Variants in TULP4 observed in about 807,000 individuals in gnomAD.
TULP4 encodes TUB like protein 4, also known as tubby-related protein 4.
In TULP4, 16 loss-of-function variants were observed where a neutral mutation model predicts 129.0. The ratio of observed to expected loss-of-function variants is 0.12; its 90% CI spans 0.08 to 0.19. The LOEUF (loss-of-function observed/expected upper bound fraction) is 0.19, where lower values mean the gene tolerates loss of function less well. Among genes scored for constraint, TULP4 ranks in the 10% least tolerant of loss-of-function variants. The pLI, the probability that TULP4 is intolerant of heterozygous loss-of-function variation, is 1.00. For synonymous variants in TULP4, 998 were observed against 854.0 expected (o/e 1.17, Z -2.94); for missense variants, 1,842 against 2,059.1 (o/e 0.89, Z 2.04).
At chr6:158,315,982 A>C (rs1207334643) in intron 1 of TULP4, among the ~76,000 whole-genome samples, 2 of 152,212 alleles carry the variant, frequency 1.3e-5, no homozygotes, top group African/African-American at 4.8e-5. Context: ...AGATCCTAGC[A>C]CGCCCCTCCT....
intron 1 of TULP4, among the ~76,000 whole-genome samples, chr6:158,353,536 G>C (rs1242576141): frequency 1.3e-5 from 2 of 151,970 alleles, no homozygotes; most frequent in Non-Finnish European, 2.9e-5. Flanking sequence ...GTAAATTGAG[G>C]GTGGTGTACC....
At chr6:158,330,063 A>G (rs534918501) in intron 1 of TULP4, among the ~76,000 whole-genome samples, 2 of 152,374 alleles carry the variant, frequency 1.3e-5, no homozygotes, top group African/African-American at 4.8e-5. Flanking sequence ...AATTTTTAAT[A>G]TACTTTAACT....
chr6:158,401,080 G>GTTGTTGTTT (rs1554287890), intron 1 of TULP4, among the ~76,000 whole-genome samples: 28 of 143,204 alleles, frequency 2.0e-4, no homozygotes, highest in Admixed American at 5.1e-4. Flanking sequence ...TGTTGTTGTT[G>GTTGTTGTTT]TTGTTTTGTT....
intron 5 of TULP4, among the ~76,000 whole-genome samples, chr6:158,460,319 C>G (rs917799196): frequency 6.6e-6 from 1 of 152,224 alleles, no homozygotes; most frequent in African/African-American, 2.4e-5. Flanking sequence ...CTAGCCCCAT[C>G]TCTGAAATAT....
chr6:158,460,346 A>T (rs991672011), intron 5 of TULP4, among the ~76,000 whole-genome samples: 4 of 152,200 alleles, frequency 2.6e-5, no homozygotes. Context: ...ATCAGGGCAG[A>T]GCATTTTCTT....
At chr6:158,409,122 T>G (rs970426333) in intron 1 of TULP4, among the ~76,000 whole-genome samples, 1 of 152,140 alleles carries the variant, frequency 6.6e-6, no homozygotes, top group Admixed American at 6.5e-5. Flanking sequence ...TGATGCTTGT[T>G]TTGCCTTCCC....
chr6:158,321,349 T>C (rs1380610981), intron 1 of TULP4, among the ~76,000 whole-genome samples: 1 of 152,124 alleles, frequency 6.6e-6, no homozygotes, highest in Non-Finnish European at 1.5e-5. Context: ...GGCATGCATA[T>C]TTTTCTGTAT....
intron 1 of TULP4, among the ~76,000 whole-genome samples, chr6:158,301,298 A>G (rs1170725561): frequency 6.6e-6 from 1 of 152,160 alleles, no homozygotes; most frequent in Non-Finnish European, 1.5e-5. Context: ...CATTTCTGTT[A>G]CTGGAGCCAT....
upstream of TULP4, among the ~76,000 whole-genome samples, chr6:158,310,038 A>G (rs912495014): frequency 6.6e-6 from 1 of 152,206 alleles, no homozygotes; most frequent in Non-Finnish European, 1.5e-5. Flanking sequence ...TGTCGGCCAA[A>G]TATCCCAGCT....
intron 1 of TULP4, among the ~76,000 whole-genome samples, chr6:158,263,634 T>G (rs1159764229): frequency 6.6e-6 from 1 of 152,178 alleles, no homozygotes; most frequent in Non-Finnish European, 1.5e-5. Context: ...GATGTGCCTG[T>G]CTTCCCAGCT....
intron 1 of TULP4, among the ~76,000 whole-genome samples, chr6:158,284,291 G>A (rs999667926): frequency 6.6e-6 from 1 of 152,212 alleles, no homozygotes; most frequent in African/African-American, 2.4e-5. Context: ...TTTTGAGACT[G>A]TTTGGCTTGG....
At chr6:158,244,689 C>T (rs1208048689) in intron 1 of TULP4, among the ~76,000 whole-genome samples, 1 of 152,110 alleles carries the variant, frequency 6.6e-6, no homozygotes, top group Non-Finnish European at 1.5e-5. Flanking sequence ...TCCAGAACTT[C>T]GAGAAATAAA....
chr6:158,254,804 G>A (rs1042773787), intron 1 of TULP4, among the ~76,000 whole-genome samples: 2 of 152,198 alleles, frequency 1.3e-5, no homozygotes, highest in Non-Finnish European at 2.9e-5. Context: ...AGGTGCCGTG[G>A]CTCACGCTTG....
intron 9 of TULP4, among the ~76,000 whole-genome samples, chr6:158,492,100 C>A (rs1020252972): frequency 3.3e-5 from 5 of 152,156 alleles, no homozygotes; most frequent in African/African-American, 4.8e-5. Flanking sequence ...CCTTGTGATC[C>A]GCCCGCCTTG....
At chr6:158,357,212 T>G (rs1179126561) in intron 1 of TULP4, among the ~76,000 whole-genome samples, 3 of 152,224 alleles carry the variant, frequency 2.0e-5, no homozygotes, top group African/African-American at 7.2e-5. Flanking sequence ...TTGTGACTCT[T>G]CGAGTCAAGG....
intron 1 of TULP4, among the ~76,000 whole-genome samples, chr6:158,374,547 T>C (rs561865370): frequency 2.6e-5 from 4 of 152,252 alleles, no homozygotes; most frequent in Non-Finnish European, 5.9e-5. Flanking sequence ...TCTAGCCTGC[T>C]ACTGACTTAG....
chr6:158,379,768 A>G (rs183629502), intron 1 of TULP4, among the ~76,000 whole-genome samples: 17 of 152,314 alleles, frequency 1.1e-4, no homozygotes, highest in Middle Eastern at 6.8e-3. Context: ...GGGAGACCCT[A>G]CAGTGTTTGG....
At chr6:158,417,817 C>T (rs1324878861) in intron 2 of TULP4, among the ~76,000 whole-genome samples, 1 of 152,200 alleles carries the variant, frequency 6.6e-6, no homozygotes, top group African/African-American at 2.4e-5. Flanking sequence ...GATGCTTTAA[C>T]AATTTCTTTT....
chr6:158,338,122 A>G (rs925067353), intron 1 of TULP4, among the ~76,000 whole-genome samples: 117 of 152,180 alleles, frequency 7.7e-4, no homozygotes, highest in Non-Finnish European at 2.9e-4. Context: ...AAGCATTTCC[A>G]TACAAGTCAC....
Sources: gnomAD v4.1 joint callset for allele counts (sites outside exome capture counted in the v4.1 genomes callset) on GRCh38, gnomAD v4.1.1 for gene constraint, MANE v1.5 for transcripts, NCBI Gene and HGNC (gene_info 2026-07-23, HGNC 2026-07-21) for gene names.